KIF2A: variants seen among roughly 807,000 people sequenced by gnomAD.
The protein encoded by KIF2A is kinesin-like protein KIF2A.
Under a neutral mutation model 100.2 loss-of-function variants are expected in KIF2A, and 22 were observed. That is an observed-to-expected ratio of 0.22 (90% confidence interval 0.16 to 0.31). The LOEUF (loss-of-function observed/expected upper bound fraction) is 0.31, where lower values mean the gene tolerates loss of function less well. Ranked by LOEUF, KIF2A falls within the 10% of genes least tolerant of loss-of-function variation. KIF2A has a pLI of 1.00. For synonymous variants in KIF2A, 268 were observed against 285.9 expected, an observed-to-expected ratio of 0.94 and a Z score of 0.63; for missense variants, 495 against 898.7, an observed-to-expected ratio of 0.55 and a Z score of 5.74.
intron 1 of KIF2A, among the ~76,000 whole-genome samples, chr5:62,314,373 AG>A (rs1373863418): frequency 6.6e-6 from 1 of 152,052 alleles, no homozygotes; most frequent in African/African-American, 2.4e-5. Context: ...ATGAAGTGGG[AG>A]GACTGGTTGA....
chr5:62,363,418 G>A, intron 13 of KIF2A, 98 bp downstream of exon 13: 1 of 1,150,588 alleles, frequency 8.7e-7, no homozygotes, highest in Non-Finnish European at 1.2e-6. Context: ...CATCTTGGAA[G>A]TAAAAATCAT....
In KIF2A at chr5:62,312,085, A is replaced by G. The variant is rs1015452944; in HGVS notation, c.64+5549A>G. On this transcript the variant is annotated intron_variant, in intron 1 of 20. Transcript: ENST00000407818. ...ATACTTTAGTATTTCTTTCTGAGAC[A>G]TACAAACCCCTGTAGTAAAATTCTT... Among the ~76,000 whole-genome samples, 9 of 152,346 alleles carry G rather than the reference A, an allele frequency of 5.9e-5. 1 individual carries two copies. The East Asian group carries it at 1.2e-3, about 20-fold the overall frequency.
intron 1 of KIF2A, among the ~76,000 whole-genome samples, chr5:62,328,365 T>C (rs1746479260): frequency 6.7e-6 from 1 of 150,014 alleles, no homozygotes; most frequent in South Asian, 2.2e-4. Flanking sequence ...AGAATTGTAA[T>C]CATATTACAT....
intron 3 of KIF2A, 92 bp from the exon 4 acceptor site, chr5:62,349,974 G>A: frequency 1.4e-6 from 1 of 737,098 alleles, no homozygotes; most frequent in Non-Finnish European, 2.2e-6. Flanking sequence ...TTACATGTCT[G>A]CCTACTTTTG....
intron 1 of KIF2A, among the ~76,000 whole-genome samples, chr5:62,322,946 A>AAAAAAAAAAG (rs1746178602): frequency 6.7e-6 from 1 of 150,340 alleles, no homozygotes; most frequent in Non-Finnish European, 1.5e-5. Flanking sequence ...AAAAAAAAAA[A>AAAAAAAAAAG]AAATCAGCTT....
At chr5:62,338,186 G>A (rs1396667461) in intron 1 of KIF2A, among the ~76,000 whole-genome samples, 1 of 152,166 alleles carries the variant, frequency 6.6e-6, no homozygotes, top group Non-Finnish European at 1.5e-5. Context: ...GATAAGTAGA[G>A]GGGAAAGGGA....
In KIF2A at chr5:62,385,501, CG is replaced by C; in HGVS notation, c.2168del (p.Arg723LeufsTer38). 6.3e-7 allele frequency: 1 copy of C among 1,586,758 alleles called. No individual in the cohort carries two copies. The highest frequency in any genetic ancestry group is 1.1e-5 in the South Asian group (1 of 86,968). ...TELRDKVKSFRAALQEEEQAS... is the reference protein window; with the variant it reads ...TELRDKVKSFXAALQEEEQAS... The stretch of plus-strand genomic sequence containing the variant: ...TTTCCAAGATAAAGTGAAATCTTTC[CG>C]TGCAGCTCTACAAGAGGAGGAACAA... On this transcript the variant is annotated frameshift_variant, in exon 21 of 21. Coordinates refer to ENST00000407818, the MANE Select transcript of KIF2A (RefSeq NM_001098511.3). LOFTEE classifies it high-confidence loss of function.
At chr5:62,334,648 C>A (rs1480236298) in intron 1 of KIF2A, among the ~76,000 whole-genome samples, 2 of 152,120 alleles carry the variant, frequency 1.3e-5, no homozygotes, top group Non-Finnish European at 2.9e-5. Context: ...TACCCCTCAG[C>A]CCCCTAAGTT....
intron 18 of KIF2A, among the ~76,000 whole-genome samples, chr5:62,377,144 T>C (rs1741584274): frequency 6.7e-6 from 1 of 149,334 alleles, no homozygotes; most frequent in Admixed American, 6.7e-5. Flanking sequence ...CTGGTATAAA[T>C]ATATTCTGTA....
chr5:62,314,547 A>G (rs1745713009), intron 1 of KIF2A, among the ~76,000 whole-genome samples: 1 of 152,162 alleles, frequency 6.6e-6, no homozygotes, highest in African/African-American at 2.4e-5. Context: ...TAATTTGGAT[A>G]TAAACTCCTT....
intron 16 of KIF2A, among the ~76,000 whole-genome samples, chr5:62,368,909 T>A (rs893882081): frequency 2.0e-5 from 3 of 152,248 alleles, no homozygotes; most frequent in African/African-American, 7.2e-5. Flanking sequence ...TTGATCTTGG[T>A]AATTAACGTT....
chr5:62,320,971 A>G (rs923192149), intron 1 of KIF2A, among the ~76,000 whole-genome samples: 2 of 152,180 alleles, frequency 1.3e-5, no homozygotes, highest in East Asian at 1.9e-4. Context: ...TCTGCCATTA[A>G]TCAACTTTTT....
At chr5:62,316,202 T>C (rs903051386) in intron 1 of KIF2A, among the ~76,000 whole-genome samples, 4 of 152,222 alleles carry the variant, frequency 2.6e-5, no homozygotes, top group African/African-American at 9.7e-5. Flanking sequence ...GGAATTTGCT[T>C]AAGCTATAAC....
At chr5:62,324,583 A>G (rs535862788) in intron 1 of KIF2A, among the ~76,000 whole-genome samples, 7 of 152,350 alleles carry the variant, frequency 4.6e-5, no homozygotes, top group Non-Finnish European at 8.8e-5. Flanking sequence ...GATCTTCAGC[A>G]AAGTCGATAA....
chr5:62,372,589 ACTTT>A, intron 17 of KIF2A, 38 bp downstream of exon 17: 1 of 1,140,592 alleles, frequency 8.8e-7, no homozygotes, highest in Admixed American at 2.2e-5. Context: ...TTATTTGTAT[ACTTT>A]CTTTTGAATT....
At position 62,367,411 on chromosome 5, in the gene KIF2A, C is replaced by T. The variant is rs181029087; in HGVS notation, c.1646+930C>T. On this transcript the variant is annotated intron_variant, in intron 16 of 20. Transcript: ENST00000407818. ...CCCCCTGGGTAGCTGGGACCATAGG[C>T]GTGTACCACCATACCCGGCTAATTT... is the stretch of plus-strand genomic sequence containing the variant. 9.0e-3 allele frequency among the ~76,000 whole-genome samples: 1,368 copies of T among 152,068 alleles called. 11 individuals are homozygous for T. Among genetic ancestry groups the T allele is most frequent in the Non-Finnish European group, 0.014 (947 of 67,992 alleles).
intron 20 of KIF2A, among the ~76,000 whole-genome samples, chr5:62,383,675 A>G (rs1309013103): frequency 1.3e-5 from 2 of 152,158 alleles, no homozygotes; most frequent in African/African-American, 4.8e-5. Context: ...TGTTTCTCAT[A>G]TTGTTCATAT....
chr5:62,338,779 T>C (rs570411882), intron 1 of KIF2A, among the ~76,000 whole-genome samples: 15 of 152,246 alleles, frequency 9.9e-5, no homozygotes, highest in Non-Finnish European at 2.1e-4. Context: ...CACAACTTTG[T>C]AGAAAATATT....
chr5:62,358,251 G>A lies in KIF2A; in HGVS notation c.824G>A (p.Arg275His). 3.1e-6 allele frequency: 5 copies of A among 1,601,726 alleles called. No homozygotes were observed. Among genetic ancestry groups the A allele is most frequent in the South Asian group, 1.1e-5 (1 of 88,670 alleles). Residue 275 changes from arginine to histidine, a missense_variant, in exon 9 of 21, where the codon CGT (arginine) becomes CAT (histidine). Arg to His is a conservative substitution (Grantham distance 29). Coordinates refer to ENST00000407818, the MANE Select transcript of KIF2A (RefSeq NM_001098511.3). ...AGGTACCTAGAAAACCAAACATTTC[G>A]TTTTGATTATGCCTTTGATGACTCA... is the stretch of plus-strand genomic sequence containing the variant. ...LTRYLENQTF[R>H]FDYAFDDSAP...
Sources: allele counts gnomAD v4.1 joint callset (sites outside exome capture counted in the v4.1 genomes callset), GRCh38; gene constraint gnomAD v4.1.1; transcripts MANE v1.5; gene names NCBI Gene and HGNC (gene_info 2026-07-23, HGNC 2026-07-21).